The following FBXL17 variants were observed in gnomAD, a reference collection of about 807,000 sequenced individuals.
FBXL17 encodes the protein F-box and leucine rich repeat protein 17.
FBXL17 carries 22 observed loss-of-function variants against 66.2 expected under a neutral mutation model. The observed-to-expected ratio is 0.33, with a 90% CI of 0.24 to 0.47. The LOEUF (loss-of-function observed/expected upper bound fraction) is 0.47. FBXL17 is among the 20% of genes least tolerant of loss of function. The pLI is 1.00. For missense variants in FBXL17, 878 were observed against 948.2 expected (o/e 0.93, Z 0.97); for synonymous variants, 474 against 400.5 (o/e 1.18, Z -2.19).
At chr5:108,258,435 T>C (rs1193611383) in intron 4 of FBXL17, among the ~76,000 whole-genome samples, 1 of 152,178 alleles carries the variant, frequency 6.6e-6, no homozygotes, top group Admixed American at 6.5e-5. Flanking sequence ...GTTAGTTTTC[T>C]TCTTCTTTCT....
intron 4 of FBXL17, among the ~76,000 whole-genome samples, chr5:108,311,916 A>T (rs922863666): frequency 6.6e-6 from 1 of 152,152 alleles, no homozygotes; most frequent in African/African-American, 2.4e-5. Flanking sequence ...AGTTCTAGTT[A>T]GTCCCTTTAG....
At chr5:108,091,425 ATGT>A (rs1749184194) in intron 6 of FBXL17, among the ~76,000 whole-genome samples, 1 of 152,208 alleles carries the variant, frequency 6.6e-6, no homozygotes, top group Non-Finnish European at 1.5e-5. Flanking sequence ...TCTGTTTTCT[ATGT>A]TGGTGTTGTG....
At chr5:108,164,862 A>G (rs1197673147) in intron 6 of FBXL17, among the ~76,000 whole-genome samples, 5 of 152,184 alleles carry the variant, frequency 3.3e-5, no homozygotes, top group South Asian at 2.1e-4. Context: ...TATCTACTAC[A>G]GTATTCTGCC....
chr5:107,971,376 A>C (rs1022567175), intron 7 of FBXL17, among the ~76,000 whole-genome samples: 1 of 152,172 alleles, frequency 6.6e-6, no homozygotes, highest in Admixed American at 6.6e-5. Context: ...TTCCACACGT[A>C]AACTTAAGGT....
chr5:108,023,458 T>C (rs1239099750), intron 6 of FBXL17, among the ~76,000 whole-genome samples: 1 of 152,112 alleles, frequency 6.6e-6, no homozygotes, highest in Non-Finnish European at 1.5e-5. Context: ...TACTACAAAT[T>C]GGTGGAAATG....
At chr5:107,934,075 G>A (rs1230465681) in intron 7 of FBXL17, among the ~76,000 whole-genome samples, 2 of 152,062 alleles carry the variant, frequency 1.3e-5, no homozygotes, top group Non-Finnish European at 2.9e-5. Flanking sequence ...TGTGAGATCT[G>A]AAAAACTCTA....
intron 4 of FBXL17, among the ~76,000 whole-genome samples, chr5:108,233,164 A>AT (rs947374430): frequency 6.7e-6 from 1 of 149,872 alleles, no homozygotes; most frequent in African/African-American, 2.4e-5. Context: ...CCCTTATCAG[A>AT]TATTTGTTTC....
intron 5 of FBXL17, among the ~76,000 whole-genome samples, chr5:108,189,153 C>T (rs895677635): frequency 7.2e-5 from 11 of 152,132 alleles, no homozygotes; most frequent in Admixed American, 7.2e-4. Context: ...TTCTGTGGGT[C>T]AGGAGACCAG....
Position 108,171,848 on chromosome 5 carries a change from G to A in FBXL17, c.1745+14269C>T, listed in dbSNP as rs1752615630. Among the ~76,000 whole-genome samples, 5 of 152,160 alleles carry A rather than the reference G, an allele frequency of 3.3e-5. No homozygotes were observed. The South Asian group carries it at 1.0e-3, about 32-fold the overall frequency. ...CTTGGTGGGAGGTAATTGAATCATG[G>A]GGGCAGGTCTTTCCCATGCTGTTCT... On this transcript the variant is annotated intron_variant, in intron 6 of 8. Transcript: ENST00000542267.
chr5:107,907,729 T>C (rs1380968517), intron 7 of FBXL17, among the ~76,000 whole-genome samples: 1 of 152,036 alleles, frequency 6.6e-6, no homozygotes, highest in Admixed American at 6.6e-5. Flanking sequence ...GAAATGCAAA[T>C]CAAAACCACA....
At chr5:107,909,114 A>T (rs917416972) in intron 7 of FBXL17, among the ~76,000 whole-genome samples, 1 of 152,206 alleles carries the variant, frequency 6.6e-6, no homozygotes, top group Non-Finnish European at 1.5e-5. Flanking sequence ...AAAAATGAAC[A>T]AAATTAAATG....
intron 1 of FBXL17, among the ~76,000 whole-genome samples, chr5:108,375,437 T>A (rs1749356890): frequency 6.6e-6 from 1 of 151,690 alleles, no homozygotes; most frequent in African/African-American, 2.4e-5. Flanking sequence ...ACTCAAATTT[T>A]AAAATCATGT....
intron 4 of FBXL17, among the ~76,000 whole-genome samples, chr5:108,284,418 C>T (rs1016408961): frequency 6.6e-6 from 1 of 151,730 alleles, no homozygotes; most frequent in African/African-American, 2.4e-5. Flanking sequence ...TGGAACTGGA[C>T]GTCATTATCC....
intron 6 of FBXL17, among the ~76,000 whole-genome samples, chr5:108,042,671 C>A (rs1265884533): frequency 6.6e-6 from 1 of 152,188 alleles, no homozygotes; most frequent in Admixed American, 6.5e-5. Flanking sequence ...TATTAAAGGA[C>A]AGTTATTTCC....
At position 108,039,902 on chromosome 5, in the gene FBXL17, G is replaced by A. The variant is rs145554291; in HGVS notation, c.1746-18901C>T. Among the ~76,000 whole-genome samples the A allele has an allele frequency of 9.7e-3, 1,483 of 152,164 alleles. 25 individuals carry two copies. The highest frequency in any genetic ancestry group is 0.032 in the African/African-American group (1,335 of 41,514). Reference sequence around the variant, plus strand: ...AATTAATGCCTAAAGTTCCATGCCAGAATTCTCCATCATACATTTTAAAAT... The same window carrying A: ...AATTAATGCCTAAAGTTCCATGCCAAAATTCTCCATCATACATTTTAAAAT... On this transcript the variant is annotated intron_variant, in intron 6 of 8. Coordinates refer to ENST00000542267, the MANE Select transcript of FBXL17 (RefSeq NM_001163315.3).
At chr5:108,305,302 A>G (rs953119019) in intron 4 of FBXL17, among the ~76,000 whole-genome samples, 1 of 151,986 alleles carries the variant, frequency 6.6e-6, no homozygotes, top group Admixed American at 6.6e-5. Context: ...GGGGGGATCA[A>G]CACACACTGG....
At chr5:108,055,308 A>AACAAAAC (rs1561388281) in intron 6 of FBXL17, among the ~76,000 whole-genome samples, 285 of 21,918 alleles carry the variant, frequency 0.013, 7 homozygotes, top group African/African-American at 0.056. Context: ...AAAAAAAAAA[A>AACAAAAC]AAAAAGAAAA....
intron 6 of FBXL17, among the ~76,000 whole-genome samples, chr5:108,054,405 G>A (rs1326854904): frequency 6.6e-6 from 1 of 152,040 alleles, no homozygotes; most frequent in African/African-American, 2.4e-5. Flanking sequence ...GCTGGGCAGT[G>A]GTGGAAGTCA....
At chr5:108,035,991 T>C (rs1019163908) in intron 6 of FBXL17, among the ~76,000 whole-genome samples, 13 of 152,156 alleles carry the variant, frequency 8.5e-5, no homozygotes, top group Admixed American at 8.5e-4. Flanking sequence ...TTCAGATTGT[T>C]TATGCTGCTC....
Sources: gnomAD v4.1 joint callset for allele counts (sites outside exome capture counted in the v4.1 genomes callset) on GRCh38, gnomAD v4.1.1 for gene constraint, MANE v1.5 for transcripts, NCBI Gene and HGNC (gene_info 2026-07-23, HGNC 2026-07-21) for gene names.